ITPR1: variants seen among roughly 807,000 people sequenced by gnomAD.
The protein encoded by ITPR1 is inositol 1,4,5-trisphosphate receptor type 1, also known as inositol 1,4,5-trisphosphate-gated calcium channel ITPR1.
Under a neutral mutation model 318.4 loss-of-function variants are expected in ITPR1, and 96 were observed. The observed-to-expected ratio is 0.30, with a 90% CI of 0.26 to 0.36. The LOEUF (loss-of-function observed/expected upper bound fraction) is 0.36, where lower values mean the gene tolerates loss of function less well. Ranked by LOEUF, ITPR1 falls within the 10% of genes least tolerant of loss-of-function variation. The pLI is 1.00. For synonymous variants in ITPR1, 1,312 were observed against 1,289.9 expected (o/e 1.02, Z -0.37); for missense variants, 2,440 against 3,460.2 (o/e 0.71, Z 7.40).
intron 41 of ITPR1, among the ~76,000 whole-genome samples, chr3:4,726,328 C>T (rs899433721): frequency 7.7e-5 from 11 of 142,488 alleles, no homozygotes; most frequent in African/African-American, 2.6e-4. Flanking sequence ...CTGCGCCCAG[C>T]CTATGATGCA....
At chr3:4,616,329 G>C (rs1327458510) in intron 4 of ITPR1, among the ~76,000 whole-genome samples, 2 of 152,064 alleles carry the variant, frequency 1.3e-5, no homozygotes, top group Non-Finnish European at 2.9e-5. Context: ...GTTTGAATTG[G>C]GTTAGTTCTT....
At chr3:4,556,500 A>ATT (rs200955422) in intron 4 of ITPR1, among the ~76,000 whole-genome samples, 1 of 142,178 alleles carries the variant, frequency 7.0e-6, no homozygotes, top group South Asian at 2.2e-4. Context: ...GCAACTACTG[A>ATT]TTTTTTTTTT....
chr3:4,608,956 C>A (rs2091887320), intron 4 of ITPR1, among the ~76,000 whole-genome samples: 1 of 136,970 alleles, frequency 7.3e-6, no homozygotes, highest in Admixed American at 7.5e-5. Flanking sequence ...GAGCCGAGAT[C>A]ACGCACTGCA....
intron 46 of ITPR1, 140 bp downstream of exon 46, chr3:4,768,904 C>CT: frequency 7.1e-6 from 5 of 700,832 alleles, no homozygotes; most frequent in South Asian, 4.7e-5. Context: ...TTTCCTTTTT[C>CT]TTTTTTCTTT....
intron 41 of ITPR1, among the ~76,000 whole-genome samples, chr3:4,726,449 A>G (rs1197014285): frequency 6.6e-6 from 1 of 152,220 alleles, no homozygotes; most frequent in Non-Finnish European, 1.5e-5. Flanking sequence ...TTGGGGAGAC[A>G]TATTTCCAAG....
At position 4,685,170 on chromosome 3, in the gene ITPR1, C is replaced by T. The variant is rs763869150; in HGVS notation, c.3666C>T (p.Ala1222=). 4.0e-5 allele frequency: 65 copies of T among 1,606,738 alleles called. No homozygotes were observed. The highest frequency in any genetic ancestry group is 1.2e-4 in the Admixed American group (7 of 59,572). Residue 1222 remains alanine (A), a synonymous_variant, in exon 30 of 62, where the codon GCC becomes GCT. Coordinates refer to ENST00000649015, the MANE Select transcript of ITPR1 (RefSeq NM_001378452.1). The part of the protein sequence containing the change: ...QRLLRNMGAH[A]VVLELLQIPY... Reference sequence around the variant, plus strand: ...TGCTCCGGAACATGGGCGCGCACGCCGTGGTGCTGGAGCTGCTGCAGATTC... The same window carrying T: ...TGCTCCGGAACATGGGCGCGCACGCTGTGGTGCTGGAGCTGCTGCAGATTC...
At chr3:4,599,652 A>G (rs748678763) in intron 4 of ITPR1, among the ~76,000 whole-genome samples, 1 of 152,154 alleles carries the variant, frequency 6.6e-6, no homozygotes, top group Non-Finnish European at 1.5e-5. Flanking sequence ...GAAGCAGTGA[A>G]CTCTAAACGT....
Position 4,826,592 on chromosome 3 carries a change from G to A in ITPR1, c.8028+8350G>A, listed in dbSNP as rs150378301. On this transcript the variant is annotated intron_variant, in intron 60 of 61. Transcript: ENST00000649015. This position sits in a 1 kb window ranked among gnomAD's most constrained non-coding sequence, Gnocchi z 4.2. ...ACCCCACCCTGTGCACTTGGGCTTG[G>A]GTTCGTGTCAGTGGCAGCTGCACAA... Among the ~76,000 whole-genome samples the A allele has an allele frequency of 1.5e-4, 23 of 152,332 alleles. No homozygotes were observed. In the East Asian group the frequency reaches 3.5e-3, roughly 23 times the overall value.
At chr3:4,567,042 A>T (rs567436356) in intron 4 of ITPR1, among the ~76,000 whole-genome samples, 34 of 152,238 alleles carry the variant, frequency 2.2e-4, no homozygotes, top group Non-Finnish European at 4.6e-4. Context: ...AAAGACATTT[A>T]ATCTCTTTAC....
At position 4,711,779 on chromosome 3, in the gene ITPR1, C is replaced by T. The variant is rs2041390618; in HGVS notation, c.5014C>T (p.Leu1672=). ...ICKLIKHTKQ[L]LEENEEKLCI... is the part of the protein sequence containing the mutation. ...CAGGTTAATAAAGCATACAAAACAGCTGCTAGAAGAAAATGAAGAGAAGCT... is the reference window on the plus strand; with the variant it reads ...CAGGTTAATAAAGCATACAAAACAGTTGCTAGAAGAAAATGAAGAGAAGCT... Residue 1672 remains leucine (L), a synonymous_variant, in exon 39 of 62, where the codon CTG becomes TTG. Coordinates refer to ENST00000649015, the MANE Select transcript of ITPR1 (RefSeq NM_001378452.1). 7.7e-6 allele frequency: 12 copies of T among 1,549,490 alleles called. No individual in the cohort carries two copies. Among genetic ancestry groups the T allele is most frequent in the Non-Finnish European group, 1.0e-5 (12 of 1,144,062 alleles).
At chr3:4,638,007 G>T (rs1399494850) in intron 5 of ITPR1, among the ~76,000 whole-genome samples, 1 of 152,188 alleles carries the variant, frequency 6.6e-6, no homozygotes, top group African/African-American at 2.4e-5. Context: ...GGCCCTAAAA[G>T]GCTTGTATTG....
rs932080357 is a variant in ITPR1 at position 4,846,418 on chromosome 3, T to C, written c.*193T>C. On this transcript the variant is annotated 3_prime_UTR_variant, in exon 62 of 62. Transcript: ENST00000649015. ...TGTATTGTAATTAGAATTGTTGGCATGATGACATTTCATTTGTGCCAAAAA... is the reference window on the plus strand; with the variant it reads ...TGTATTGTAATTAGAATTGTTGGCACGATGACATTTCATTTGTGCCAAAAA... 3.3e-5 allele frequency: 13 copies of C among 389,960 alleles called. No homozygotes were observed. In the Admixed American group the frequency reaches 3.6e-4, roughly 11 times the overall value. 24.2% of individuals were successfully genotyped at this position (389,960 alleles called of 1,614,324 possible). A position where few individuals can be genotyped will look rare whatever the true frequency, so the allele number is the denominator to read the frequency against.
At chr3:4,752,492 G>A (rs112264323) in intron 44 of ITPR1, among the ~76,000 whole-genome samples, 1 of 152,322 alleles carries the variant, frequency 6.6e-6, no homozygotes, top group South Asian at 2.1e-4. Context: ...CACATCAGCT[G>A]CCTTTGGCTG....
intron 4 of ITPR1, among the ~76,000 whole-genome samples, chr3:4,579,942 G>C (rs1177296548): frequency 1.3e-5 from 2 of 152,144 alleles, no homozygotes; most frequent in Non-Finnish European, 2.9e-5. Context: ...CAGGTGCGGT[G>C]GCTCACGCCT....
chr3:4,768,511 C>T lies in ITPR1; in HGVS notation c.5726C>T (p.Ala1909Val), dbSNP rs749327490. Residue 1909 changes from alanine (A) to valine (V), a missense_variant and splice_region_variant, in exon 46 of 62, where the codon GCT (alanine) becomes GTT (valine). Physicochemically the swap from Ala to Val is moderately conservative, Grantham distance 64 (BLOSUM62 0). Around this residue, in one of 23 missense-constraint regions of ITPR1, gnomAD observed 113 missense variants for 103.6 expected, o/e 1.09. Coordinates refer to ENST00000649015, the MANE Select transcript of ITPR1 (RefSeq NM_001378452.1). The stretch of plus-strand genomic sequence containing the variant: ...TTCATGCCTTATGCTTGCTTTCTAG[C>T]TAAAGAGCCCACAACACAGATAACA... ...VDRDAPSRKK[A>V]KEPTTQITEE... 6 of 1,601,270 alleles carry T rather than the reference C, an allele frequency of 3.7e-6. No individual in the cohort carries two copies. The African/African-American group carries it at 4.0e-5, about 11-fold the overall frequency.
chr3:4,731,704 C>G (rs988283942), intron 42 of ITPR1, among the ~76,000 whole-genome samples: 2 of 152,118 alleles, frequency 1.3e-5, no homozygotes, highest in Non-Finnish European at 2.9e-5. Context: ...TTGACAGGAG[C>G]CAAGAGTTTC....
At chr3:4,629,618 T>A (rs574928555) in intron 5 of ITPR1, among the ~76,000 whole-genome samples, 1 of 152,368 alleles carries the variant, frequency 6.6e-6, no homozygotes, top group East Asian at 1.9e-4. Flanking sequence ...GAATAATGAA[T>A]GAGCAGTGTG....
At chr3:4,705,163 A>C in intron 36 of ITPR1, among the ~76,000 whole-genome samples, 1 of 152,166 alleles carries the variant, frequency 6.6e-6, no homozygotes. Flanking sequence ...TGAAGACAGG[A>C]AATCATTGTT....
rs553559062 is a variant in ITPR1 at position 4,673,358 on chromosome 3, G to C, written c.2427G>C (p.Ser809=). The C allele has an allele frequency of 5.0e-6, 8 of 1,610,330 alleles. No individual in the cohort carries two copies. In the Admixed American group the frequency reaches 8.3e-5, roughly 17 times the overall value. ...VTPVKYARLW[S]EIPSEIAIDD... is the part of the protein sequence containing the mutation. ...CCGTGAAATATGCCCGCCTCTGGTC[G>C]GAGATTCCCTCGGAGATCGCCATTG... Residue 809 remains serine, a synonymous_variant, in exon 21 of 62, where the codon TCG becomes TCC. Coordinates refer to ENST00000649015, the MANE Select transcript of ITPR1 (RefSeq NM_001378452.1).
Sources: allele counts gnomAD v4.1 joint callset (sites outside exome capture counted in the v4.1 genomes callset), GRCh38; gene constraint gnomAD v4.1.1; regional missense constraint gnomAD v4.1.1; non-coding constraint Gnocchi (gnomAD v3.1); transcripts MANE v1.5; gene names NCBI Gene and HGNC (gene_info 2026-07-23, HGNC 2026-07-21).